Variants in LAMA2 observed in about 807,000 individuals in gnomAD.
LAMA2 encodes the protein laminin subunit alpha 2.
In LAMA2, 269 loss-of-function variants were observed where a neutral mutation model predicts 364.8. That is an observed-to-expected ratio of 0.74 (90% CI 0.67 to 0.82). The LOEUF is 0.82. Ranked by LOEUF, LAMA2 falls within the 40% of genes least tolerant of loss-of-function variation. LAMA2 has a pLI of 0.00. For synonymous variants in LAMA2, 1,379 were observed against 1,370.6 expected, an observed-to-expected ratio of 1.01 and a Z score of -0.14; for missense variants, 3,807 against 3,873.2, an observed-to-expected ratio of 0.98 and a Z score of 0.45.
intron 3 of LAMA2, among the ~76,000 whole-genome samples, chr6:129,072,046 C>T (rs1415276821): frequency 6.6e-6 from 1 of 152,040 alleles, no homozygotes; most frequent in Non-Finnish European, 1.5e-5. Context: ...ATTCTGGAGT[C>T]TGAGGTGGGA....
At chr6:129,024,144 G>T (rs1323566044) in intron 1 of LAMA2, among the ~76,000 whole-genome samples, 1 of 152,038 alleles carries the variant, frequency 6.6e-6, no homozygotes, top group Non-Finnish European at 1.5e-5. Context: ...TGTATTAAAA[G>T]CAGCATGACT....
intron 1 of LAMA2, among the ~76,000 whole-genome samples, chr6:129,020,895 G>A (rs1785410047): frequency 6.6e-6 from 1 of 152,176 alleles, no homozygotes; most frequent in Admixed American, 6.5e-5. Context: ...GCTCCTCAAA[G>A]CGCCATACTT....
chr6:129,093,734 G>T (rs1583029863), intron 3 of LAMA2, among the ~76,000 whole-genome samples: 1 of 152,170 alleles, frequency 6.6e-6, no homozygotes, highest in Admixed American at 6.5e-5. Context: ...AGTAACAAAT[G>T]GAATATGAAA....
At chr6:129,113,193 C>T (rs1391955821) in intron 4 of LAMA2, among the ~76,000 whole-genome samples, 3 of 152,072 alleles carry the variant, frequency 2.0e-5, no homozygotes, top group Non-Finnish European at 4.4e-5. Context: ...CACTCTTTAA[C>T]ATGAGGGGCT....
intron 41 of LAMA2, among the ~76,000 whole-genome samples, chr6:129,437,467 T>A (rs1781889928): frequency 6.6e-6 from 1 of 151,980 alleles, no homozygotes; most frequent in Non-Finnish European, 1.5e-5. Flanking sequence ...CTAGAACAAC[T>A]TCTCTTTCTT....
chr6:129,428,315 G>A (rs557950522), intron 41 of LAMA2, among the ~76,000 whole-genome samples: 142 of 152,200 alleles, frequency 9.3e-4, no homozygotes, highest in African/African-American at 3.3e-3. Context: ...GAGCACATAG[G>A]CATAGCTACT....
At chr6:129,442,095 A>G (rs1782145599) in intron 43 of LAMA2, 10 of 652,560 alleles carry the variant, frequency 1.5e-5, no homozygotes, top group South Asian at 1.5e-4. Context: ...TTATATGCCA[A>G]CATTTTTGGG....
intron 12 of LAMA2, among the ~76,000 whole-genome samples, chr6:129,247,579 C>T (rs1052099386): frequency 1.3e-5 from 2 of 152,122 alleles, no homozygotes; most frequent in Admixed American, 6.5e-5. Context: ...AAATGGGTAA[C>T]TGTGGCTTGG....
At position 129,143,104 on chromosome 6, in the gene LAMA2, C is replaced by G. The variant is rs372452543; in HGVS notation, c.640-797C>G. On this transcript the variant is annotated intron_variant, in intron 4 of 64. Transcript: ENST00000421865. ...GTCCCTGTGAGAGCCTGCCAGCCTT[C>G]TACACCTTTGGAGGGCAGTTTGTTG... is the stretch of plus-strand genomic sequence containing the variant. Among the ~76,000 whole-genome samples the G allele has an allele frequency of 9.9e-5, 15 of 152,096 alleles. No individual in the cohort carries two copies. In the East Asian group the frequency reaches 1.5e-3, roughly 16 times the overall value.
At chr6:129,030,063 A>T (rs1045604350) in intron 1 of LAMA2, among the ~76,000 whole-genome samples, 2 of 152,010 alleles carry the variant, frequency 1.3e-5, no homozygotes, top group African/African-American at 4.8e-5. Flanking sequence ...TGGGGTCCTA[A>T]TCTTTGCCTA....
intron 31 of LAMA2, among the ~76,000 whole-genome samples, chr6:129,349,826 G>A (rs1363801784): frequency 6.6e-6 from 1 of 152,006 alleles, no homozygotes; most frequent in Non-Finnish European, 1.5e-5. Flanking sequence ...ACCAGCAAGT[G>A]TATACATAAC....
intron 1 of LAMA2, among the ~76,000 whole-genome samples, chr6:129,028,890 G>T (rs902322615): frequency 1.3e-5 from 2 of 151,618 alleles, no homozygotes; most frequent in African/African-American, 4.8e-5. Context: ...GTCATAAGCC[G>T]TTCTGGTACC....
intron 4 of LAMA2, among the ~76,000 whole-genome samples, chr6:129,125,725 A>G (rs1261765637): frequency 6.6e-6 from 1 of 152,208 alleles, no homozygotes; most frequent in African/African-American, 2.4e-5. Context: ...AAAAACTTGC[A>G]CAGCATGGTG....
chr6:129,257,895 T>G (rs1278566963), intron 14 of LAMA2, among the ~76,000 whole-genome samples: 1 of 152,148 alleles, frequency 6.6e-6, no homozygotes, highest in Non-Finnish European at 1.5e-5. Context: ...TAGTCTTTAT[T>G]GTATCCTTTG....
chr6:129,406,322 T>C (rs1171257503), intron 40 of LAMA2, among the ~76,000 whole-genome samples: 1 of 152,214 alleles, frequency 6.6e-6, no homozygotes, highest in Non-Finnish European at 1.5e-5. Context: ...TATTATTTTG[T>C]AAAGAGTAAT....
At chr6:128,982,744 T>A (rs1465120233) in intron 1 of LAMA2, among the ~76,000 whole-genome samples, 2 of 142,930 alleles carry the variant, frequency 1.4e-5, no homozygotes, top group Non-Finnish European at 3.0e-5. Context: ...CTCCTAATGC[T>A]ATCCCTCCCC....
intron 9 of LAMA2, among the ~76,000 whole-genome samples, chr6:129,172,771 C>A (rs1780282914): frequency 6.6e-6 from 1 of 152,240 alleles, no homozygotes; most frequent in Non-Finnish European, 1.5e-5. Context: ...CTCCCCCAGC[C>A]TCGCTGCTGC....
chr6:129,043,532 G>T (rs917557401), intron 1 of LAMA2, among the ~76,000 whole-genome samples: 4 of 151,722 alleles, frequency 2.6e-5, no homozygotes, highest in Admixed American at 1.3e-4. Context: ...AAGAATTTTC[G>T]TATGTGTGTA....
chr6:129,169,670 G>A (rs1780006266), intron 9 of LAMA2, among the ~76,000 whole-genome samples: 1 of 143,538 alleles, frequency 7.0e-6, no homozygotes, highest in South Asian at 2.3e-4. Flanking sequence ...AATGATGCTG[G>A]CCTCATAAAA....
Sources: allele counts gnomAD v4.1 joint callset (sites outside exome capture counted in the v4.1 genomes callset), GRCh38; gene constraint gnomAD v4.1.1; transcripts MANE v1.5; gene names NCBI Gene and HGNC (gene_info 2026-07-23, HGNC 2026-07-21).